DAZL: variants seen among roughly 807,000 people sequenced by gnomAD.
DAZL encodes deleted in azoospermia like, also known as deleted in azoospermia-like.
In DAZL, 4 loss-of-function variants were observed where a neutral mutation model predicts 45.0. The ratio of observed to expected loss-of-function variants is 0.09; its 90% CI spans 0.04 to 0.20. DAZL has a LOEUF of 0.20. Among genes scored for constraint, DAZL ranks in the 10% least tolerant of loss-of-function variants. The pLI is 1.00. For missense variants in DAZL, 326 were observed against 351.3 expected (o/e 0.93, Z 0.58); for synonymous variants, 122 against 112.4 (o/e 1.09, Z -0.54).
At position 16,593,747 on chromosome 3, in the gene DAZL, G is replaced by T. The variant is rs202023527; in HGVS notation, c.643C>A (p.His215Asn). 68 of 1,610,000 alleles carry T rather than the reference G, an allele frequency of 4.2e-5. No homozygotes were observed. The highest frequency in any genetic ancestry group is 3.3e-4 in the Middle Eastern group (2 of 6,050). ...VPPAYSAVNY[H>N]CNEVDPGAEV... ...GCTCCTGGATCAACTTCATTACAGT[G>T]GTAGTTAACAGCTGAATAAGCCTAT... is the stretch of plus-strand genomic sequence containing the variant. The change falls in exon 9 of 11, where the codon CAC becomes AAC. Residue 215 changes from histidine to asparagine, a missense_variant. Transcript: ENST00000399444.
chr3:16,604,249 G>C (rs1474842233), intron 1 of DAZL, among the ~76,000 whole-genome samples: 4 of 152,186 alleles, frequency 2.6e-5, no homozygotes, highest in Non-Finnish European at 5.9e-5. Context: ...TGGTTGGTCT[G>C]CGTGTTCAGA....
chr3:16,598,030 C>A, intron 3 of DAZL, 57 bp downstream of exon 3: 1 of 1,404,068 alleles, frequency 7.1e-7, no homozygotes, highest in East Asian at 2.4e-5. Flanking sequence ...ATTTTGAAGT[C>A]TTCTCTGATA....
chr3:16,599,200 C>T (rs535001035), intron 1 of DAZL, among the ~76,000 whole-genome samples: 5 of 150,644 alleles, frequency 3.3e-5, no homozygotes, highest in Admixed American at 6.6e-5. Flanking sequence ...AAAAACAAAC[C>T]CAAAATTGGA....
intron 1 of DAZL, among the ~76,000 whole-genome samples, chr3:16,600,463 G>C (rs901622526): frequency 1.3e-5 from 2 of 152,230 alleles, no homozygotes; most frequent in East Asian, 3.9e-4. Context: ...GGTATTTCAT[G>C]ACAATGATGT....
At position 16,593,679 on chromosome 3, in the gene DAZL, T is replaced by G. The variant is rs1694555184; in HGVS notation, c.711A>C (p.Pro237=). The G allele has an allele frequency of 6.2e-7, 1 of 1,610,806 alleles. No homozygotes were observed. The highest frequency in any genetic ancestry group is 1.1e-5 in the South Asian group (1 of 90,524). Residue 237 remains proline, a synonymous_variant, in exon 9 of 11, where the codon CCA becomes CCC. Coordinates refer to ENST00000399444, the MANE Select transcript of DAZL (RefSeq NM_001351.4). Reference sequence around the variant, plus strand: ...CCTTTTGTGGGCCATTTCCAGAGGGTGGAGTAGCTTCATGAACTGAACATT... The same window carrying G: ...CCTTTTGTGGGCCATTTCCAGAGGGGGGAGTAGCTTCATGAACTGAACATT... ...PNECSVHEAT[P]PSGNGPQKKS...
In DAZL at chr3:16,588,569, A is replaced by C. The variant is rs1211248608; in HGVS notation, c.*91T>G. 3.0e-6 allele frequency: 3 copies of C among 1,012,854 alleles called. No homozygotes were observed. Among genetic ancestry groups the C allele is most frequent in the African/African-American group, 1.6e-5 (1 of 63,082 alleles). The allele number at this position is 1,012,854 out of a possible 1,614,324, so 62.7% of individuals were successfully genotyped here. Reference sequence around the variant, plus strand: ...TATACACAAAGTTTGAGTGTGATTTACCAAAATTCAGAATTTCTATAATAG... The same window carrying C: ...TATACACAAAGTTTGAGTGTGATTTCCCAAAATTCAGAATTTCTATAATAG... On this transcript the variant is annotated 3_prime_UTR_variant, in exon 11 of 11. Coordinates refer to ENST00000399444, the MANE Select transcript of DAZL (RefSeq NM_001351.4).
intron 1 of DAZL, chr3:16,604,843 G>T (rs1694751775): frequency 1.2e-6 from 1 of 819,184 alleles, no homozygotes. Flanking sequence ...TGGGGGCGGG[G>T]TGGGGCAGTC....
chr3:16,596,847 G>A lies in DAZL; in HGVS notation c.401C>T (p.Pro134Leu), dbSNP rs1004145636. ...VQPRPLVFNHPPPPQFQNVWT... is the reference protein window; with the variant it reads ...VQPRPLVFNHLPPPQFQNVWT... ...GACATTCTGAAACTGTGGTGGAGGA[G>A]GATGATTAAAAACCAAAGGACGTGG... Residue 134 changes from proline (P) to leucine (L), a missense_variant, in exon 6 of 11, where the codon CCT becomes CTT. Pro to Leu is a moderately conservative substitution (Grantham distance 98). This residue lies in a region of DAZL where 227 missense variants were observed against 216.6 expected (regional missense o/e 1.05). Transcript: ENST00000399444. 6 of 1,613,822 alleles carry A rather than the reference G, an allele frequency of 3.7e-6. No homozygotes were observed. The highest frequency in any genetic ancestry group is 1.3e-5 in the African/African-American group (1 of 75,020).
At chr3:16,603,950 T>C (rs1325406602) in intron 1 of DAZL, among the ~76,000 whole-genome samples, 2 of 152,194 alleles carry the variant, frequency 1.3e-5, no homozygotes, top group African/African-American at 4.8e-5. Flanking sequence ...TGTTTTCAAA[T>C]GAGTAAATAT....
At chr3:16,599,333 A>T (rs1694648334) in intron 1 of DAZL, among the ~76,000 whole-genome samples, 1 of 152,224 alleles carries the variant, frequency 6.6e-6, no homozygotes, top group Admixed American at 6.5e-5. Context: ...AAAAAGCCAC[A>T]TCAAAAAGAA....
At chr3:16,602,546 T>C (rs1694707393) in intron 1 of DAZL, among the ~76,000 whole-genome samples, 1 of 152,200 alleles carries the variant, frequency 6.6e-6, no homozygotes, top group Non-Finnish European at 1.5e-5. Flanking sequence ...TCTCAACGCA[T>C]TTTACAAAGC....
chr3:16,605,386 G>C lies in DAZL; in HGVS notation c.-181C>G, dbSNP rs980515806. 4.0e-6 allele frequency: 3 copies of C among 742,710 alleles called. No individual in the cohort carries two copies. The highest frequency in any genetic ancestry group is 2.7e-5 in the East Asian group (1 of 37,424). The allele number at this position is 742,710 out of a possible 1,614,324, so 46.0% of individuals were successfully genotyped here. A position where few individuals can be genotyped will look rare whatever the true frequency, so the allele number is the denominator to read the frequency against. Reference sequence around the variant, plus strand: ...GCGGGTGACAAGGCTGAGGAGCCCCGAAAGGCGGACCGTCAGGCTGAGGAG... The same window carrying C: ...GCGGGTGACAAGGCTGAGGAGCCCCCAAAGGCGGACCGTCAGGCTGAGGAG... On this transcript the variant is annotated 5_prime_UTR_variant, in exon 1 of 11. Transcript: ENST00000399444.
chr3:16,600,594 C>A (rs1694676119), intron 1 of DAZL, among the ~76,000 whole-genome samples: 1 of 152,184 alleles, frequency 6.6e-6, no homozygotes, highest in Non-Finnish European at 1.5e-5. Flanking sequence ...AGATTTCCCC[C>A]CTACAGACAA....
At chr3:16,602,570 G>A (rs943737982) in intron 1 of DAZL, among the ~76,000 whole-genome samples, 1 of 152,100 alleles carries the variant, frequency 6.6e-6, no homozygotes, top group African/African-American at 2.4e-5. Flanking sequence ...CAGCATATAA[G>A]TAACAAAGCC....
At chr3:16,601,915 T>C (rs2125048713) in intron 1 of DAZL, among the ~76,000 whole-genome samples, 1 of 152,346 alleles carries the variant, frequency 6.6e-6, no homozygotes, top group Non-Finnish European at 1.5e-5. Flanking sequence ...TTTCACAGTA[T>C]TATCTAATTC....
intron 1 of DAZL, among the ~76,000 whole-genome samples, chr3:16,600,683 G>A (rs1284068137): frequency 6.6e-6 from 1 of 152,250 alleles, no homozygotes; most frequent in South Asian, 2.1e-4. Flanking sequence ...AATTCTTGTA[G>A]TTTTTTCTCC....
chr3:16,594,693 T>G, intron 7 of DAZL, 110 bp from the exon 8 acceptor site: 1 of 654,996 alleles, frequency 1.5e-6, no homozygotes, highest in Middle Eastern at 4.4e-4. Context: ...TCCTTTGTTG[T>G]TATAATAAAA....
At chr3:16,604,740 C>G (rs1274038533) in intron 1 of DAZL, 2 of 1,360,054 alleles carry the variant, frequency 1.5e-6, no homozygotes, top group Middle Eastern at 2.7e-4. Flanking sequence ...TGCGGAGCCA[C>G]GGGGAGAGCG....
intron 1 of DAZL, among the ~76,000 whole-genome samples, chr3:16,602,330 CTT>C (rs1694703186): frequency 2.0e-5 from 3 of 152,228 alleles, no homozygotes; most frequent in Non-Finnish European, 2.9e-5. Context: ...ACAAAACAAT[CTT>C]GAGAAAAAAC....
Sources: allele counts gnomAD v4.1 joint callset (sites outside exome capture counted in the v4.1 genomes callset), GRCh38; gene constraint gnomAD v4.1.1; regional missense constraint gnomAD v4.1.1; transcripts MANE v1.5; gene names NCBI Gene and HGNC (gene_info 2026-07-23, HGNC 2026-07-21).